Variants in RBM25 observed in about 807,000 individuals in gnomAD.
RBM25 encodes RNA-binding protein 25.
In RBM25, 19 loss-of-function variants were observed where a neutral mutation model predicts 120.7. That is an observed-to-expected ratio of 0.16 (90% CI 0.11 to 0.23). The LOEUF (loss-of-function observed/expected upper bound fraction) is 0.23, where lower values mean the gene tolerates loss of function less well. Among genes scored for constraint, RBM25 ranks in the 10% least tolerant of loss-of-function variants. RBM25 has a pLI of 1.00. For synonymous variants in RBM25, 390 were observed against 326.7 expected (o/e 1.19, Z -2.09); for missense variants, 605 against 1,041.5 (o/e 0.58, Z 5.77).
intron 1 of RBM25, among the ~76,000 whole-genome samples, chr14:73,059,087 G>A (rs748818035): frequency 6.6e-6 from 1 of 151,992 alleles, no homozygotes; most frequent in Non-Finnish European, 1.5e-5. Context: ...CTTACTTACC[G>A]GAGCCCCACA....
chr14:73,060,870 GT>G (rs1894987451), intron 1 of RBM25, among the ~76,000 whole-genome samples: 1 of 151,294 alleles, frequency 6.6e-6, no homozygotes, highest in African/African-American at 2.4e-5. Flanking sequence ...CTTCTGAAAT[GT>G]TTTGCTAGTA....
chr14:73,109,324 T>C lies in RBM25; in HGVS notation c.1542-18T>C. 1.2e-6 allele frequency: 2 copies of C among 1,607,298 alleles called. No individual in the cohort carries two copies. Among genetic ancestry groups the C allele is most frequent in the South Asian group, 2.2e-5 (2 of 90,318 alleles). ...GATCGGAGTATTAAATGAAGCCTTT[T>C]ATCATTCACTTTTACAGAGGAAGTG... On this transcript the variant is annotated intron_variant, in intron 13 of 18. Transcript: ENST00000261973.
chr14:73,103,600 C>CT, intron 10 of RBM25, 122 bp downstream of exon 10: 1 of 1,393,750 alleles, frequency 7.2e-7, no homozygotes. Flanking sequence ...CATTCTCACT[C>CT]TGTCACTCAG....
intron 1 of RBM25, 65 bp from the exon 2 acceptor site, chr14:73,071,562 A>C (rs1036339369): frequency 8.7e-7 from 1 of 1,152,338 alleles, no homozygotes; most frequent in Non-Finnish European, 1.3e-6. Context: ...GAAAGTCAAC[A>C]AAGAAGGCAT....
intron 6 of RBM25, among the ~76,000 whole-genome samples, chr14:73,090,275 T>C (rs1895781799): frequency 6.6e-6 from 1 of 152,080 alleles, no homozygotes; most frequent in African/African-American, 2.4e-5. Context: ...GGTCTTGAGC[T>C]CCTGACCTCA....
chr14:73,106,257 A>G lies in RBM25; in HGVS notation c.1439A>G (p.Glu480Gly). Residue 480 changes from glutamate (E) to glycine (G), a missense_variant, in exon 12 of 19, where the codon GAA (glutamate) becomes GGA (glycine). This residue lies in a region of RBM25 where 465 missense variants were observed against 741.6 expected (regional missense o/e 0.63). Coordinates refer to ENST00000261973, the MANE Select transcript of RBM25 (RefSeq NM_021239.3). Reference protein sequence around the residue: ...KKTREYEKEAEREEERRREMA... With the variant: ...KKTREYEKEAGREEERRREMA... ...ACCCGGGAATATGAGAAAGAAGCTG[A>G]AAGAGAAGAAGAAAGAAGAAGAGAA... The G allele has an allele frequency of 1.2e-6, 2 of 1,600,194 alleles. No individual in the cohort carries two copies. The highest frequency in any genetic ancestry group is 1.7e-6 in the Non-Finnish European group (2 of 1,175,984).
intron 1 of RBM25, among the ~76,000 whole-genome samples, chr14:73,066,702 A>G (rs1227773858): frequency 6.6e-6 from 1 of 151,678 alleles, no homozygotes; most frequent in Non-Finnish European, 1.5e-5. Context: ...AAAGTTTTCT[A>G]AATATTTTAA....
At chr14:73,111,426 AT>A in intron 15 of RBM25, 101 bp from the exon 16 acceptor site, 1 of 1,281,484 alleles carries the variant, frequency 7.8e-7, no homozygotes, top group South Asian at 1.5e-5. Flanking sequence ...TTTCTCTAAG[AT>A]TTGTGGAAGT....
At chr14:73,113,942 T>A (rs116192363) in intron 17 of RBM25, among the ~76,000 whole-genome samples, 159 of 152,312 alleles carry the variant, frequency 1.0e-3, no homozygotes, top group African/African-American at 3.4e-3. Flanking sequence ...AAACACCATA[T>A]TTCTATAAAG....
chr14:73,092,640 A>G (rs1895844877), intron 6 of RBM25, among the ~76,000 whole-genome samples: 2 of 150,512 alleles, frequency 1.3e-5, no homozygotes, highest in South Asian at 4.2e-4. Context: ...TGTTACGTAT[A>G]TATACATGTG....
At chr14:73,094,232 T>C (rs997404603) in intron 6 of RBM25, among the ~76,000 whole-genome samples, 2 of 151,046 alleles carry the variant, frequency 1.3e-5, no homozygotes, top group Admixed American at 6.6e-5. Context: ...GGATTATAGG[T>C]GTGAGCCACT....
At chr14:73,081,022 A>C (rs1566587195) in intron 4 of RBM25, among the ~76,000 whole-genome samples, 1 of 151,702 alleles carries the variant, frequency 6.6e-6, no homozygotes, top group East Asian at 1.9e-4. Flanking sequence ...ACGGGGTTTC[A>C]CCAGGTTTGC....
intron 5 of RBM25, among the ~76,000 whole-genome samples, chr14:73,087,028 T>C (rs1174674891): frequency 1.4e-5 from 2 of 145,430 alleles, no homozygotes; most frequent in Non-Finnish European, 1.5e-5. Context: ...TTGAGGGGCA[T>C]ATCTGTTTGT....
chr14:73,092,129 T>A (rs965685126), intron 6 of RBM25, among the ~76,000 whole-genome samples: 4 of 151,778 alleles, frequency 2.6e-5, no homozygotes, highest in African/African-American at 4.8e-5. Flanking sequence ...TAAAAAAAAA[T>A]TTTCAAATAA....
intron 12 of RBM25, chr14:73,107,471 A>G (rs1896215471): frequency 4.9e-6 from 1 of 203,110 alleles, no homozygotes; most frequent in Non-Finnish European, 9.8e-6. Context: ...TTTATGTACA[A>G]CTGTAGAGAG....
intron 10 of RBM25, among the ~76,000 whole-genome samples, chr14:73,105,038 T>TACACACAC (rs57281649): frequency 0.12 from 17,552 of 141,128 alleles, 1,163 homozygotes; most frequent in African/African-American, 0.14. Flanking sequence ...ACATATTAAA[T>TACACACAC]ACACACACAC....
intron 1 of RBM25, among the ~76,000 whole-genome samples, chr14:73,060,009 A>G (rs1245132769): frequency 2.0e-5 from 3 of 152,202 alleles, no homozygotes; most frequent in Admixed American, 2.0e-4. Flanking sequence ...GTAAGAGTCC[A>G]ACCCTGACTC....
At chr14:73,073,252 A>G (rs1895336322) in intron 2 of RBM25, among the ~76,000 whole-genome samples, 1 of 151,892 alleles carries the variant, frequency 6.6e-6, no homozygotes, top group African/African-American at 2.4e-5. Context: ...GGATTCAACT[A>G]CTCATTGTAA....
At chr14:73,065,387 C>G (rs948149875) in intron 1 of RBM25, among the ~76,000 whole-genome samples, 1 of 151,532 alleles carries the variant, frequency 6.6e-6, no homozygotes, top group Admixed American at 6.6e-5. Context: ...CTCGGCCTCC[C>G]AAAGTGCTGG....
Sources: allele counts gnomAD v4.1 joint callset (sites outside exome capture counted in the v4.1 genomes callset), GRCh38; gene constraint gnomAD v4.1.1; regional missense constraint gnomAD v4.1.1; transcripts MANE v1.5; gene names NCBI Gene and HGNC (gene_info 2026-07-23, HGNC 2026-07-21).